The following PBXIP1 variants were observed in gnomAD, a reference collection of about 807,000 sequenced individuals.
PBXIP1 encodes PBX homeobox interacting protein 1, also known as pre-B-cell leukemia transcription factor-interacting protein 1.
A neutral mutation model predicts 73.7 loss-of-function variants in PBXIP1; 73 were observed. The observed-to-expected ratio is 0.99, with a 90% CI of 0.82 to 1.20. The LOEUF is 1.20. Ranked by LOEUF, PBXIP1 falls within the 50% of genes most tolerant of loss-of-function variation. PBXIP1 has a pLI of 0.00. For missense variants in PBXIP1, 818 were observed against 911.4 expected, an observed-to-expected ratio of 0.90 and a Z score of 1.32; for synonymous variants, 330 against 366.9, an observed-to-expected ratio of 0.90 and a Z score of 1.15.
chr1:154,952,667 A>G (rs527483731), intron 2 of PBXIP1, among the ~76,000 whole-genome samples: 3 of 152,318 alleles, frequency 2.0e-5, no homozygotes, highest in Non-Finnish European at 2.9e-5. Context: ...TCCCCCCTAC[A>G]AGGCAAAAAT....
At chr1:154,945,493 T>G in intron 10 of PBXIP1, 79 bp downstream of exon 10, 1 of 1,438,262 alleles carries the variant, frequency 7.0e-7, no homozygotes, top group Non-Finnish European at 9.5e-7. Flanking sequence ...GTAAGGATAC[T>G]CAAACTAATG....
Position 154,946,332 on chromosome 1 carries a change from G to T in PBXIP1, c.1342C>A (p.Gln448Lys). Reference protein sequence around the residue: ...QKLQGLENWGQDPGVSANASK... With the variant: ...QKLQGLENWGKDPGVSANASK... ...GCATTGGCAGAGACCCCAGGGTCCT[G>T]GCCCCAGTTCTCCAGGCCCTGCAGT... The change falls in exon 10 of 11, where the codon CAG (glutamine) becomes AAG (lysine). Residue 448 changes from glutamine (Q) to lysine (K), a missense_variant. By Grantham distance (53) the Gln-to-Lys change is moderately conservative. Transcript: ENST00000368463. 6.2e-7 allele frequency: 1 copy of T among 1,614,092 alleles called. No homozygotes were observed. Among genetic ancestry groups the T allele is most frequent in the Non-Finnish European group, 8.5e-7 (1 of 1,180,018 alleles).
chr1:154,946,758 G>A lies in PBXIP1; in HGVS notation c.916C>T (p.Leu306=). The A allele has an allele frequency of 6.4e-7, 1 of 1,572,700 alleles. No homozygotes were observed. ...CGGAGCTGGGCATTCTCCTCCTCTAGCCCTTTGGGCTGGTGCATCAGGCTC... is the reference window on the plus strand; with the variant it reads ...CGGAGCTGGGCATTCTCCTCCTCTAACCCTTTGGGCTGGTGCATCAGGCTC... ...LQSLMHQPKG[L]EEENAQLRGA... is the part of the protein sequence containing the mutation. Residue 306 remains leucine, a synonymous_variant, in exon 10 of 11, where the codon CTA becomes TTA. Transcript: ENST00000368463.
Position 154,946,432 on chromosome 1 carries a change from C to T in PBXIP1, c.1242G>A (p.Arg414=), listed in dbSNP as rs1654824278. The change falls in exon 10 of 11, where the codon AGG becomes AGA. Residue 414 remains arginine, a synonymous_variant. Transcript: ENST00000368463. The part of the protein sequence containing the change: ...LLGSVQQDLE[R]SLQDASRGDP... ...CCCCGCGGCTGGCATCCTGCAAGCTCCTCTCCAGATCCTGCTGTACAGACC... is the reference window on the plus strand; with the variant it reads ...CCCCGCGGCTGGCATCCTGCAAGCTTCTCTCCAGATCCTGCTGTACAGACC... 1 of 1,609,880 alleles carries T rather than the reference C, an allele frequency of 6.2e-7. No homozygotes were observed. The highest frequency in any genetic ancestry group is 8.5e-7 in the Non-Finnish European group (1 of 1,179,998).
Position 154,945,031 on chromosome 1 carries a change from C to T in PBXIP1, c.2189G>A (p.Arg730Gln), listed in dbSNP as rs369398682. 224 of 1,612,854 alleles carry T rather than the reference C, an allele frequency of 1.4e-4. No individual in the cohort carries two copies. Among genetic ancestry groups the T allele is most frequent in the Non-Finnish European group, 1.8e-4 (211 of 1,179,080 alleles). The change falls in exon 11 of 11, where the codon CGG becomes CAG. Residue 730 changes from arginine to glutamine, a missense_variant. By Grantham distance (43) the Arg-to-Gln change is conservative. Transcript: ENST00000368463. ...TCCCTGTGGGGCAGGGTGTCAGCCC[C>T]GGTGGTGGTGGTGGTGGCTATGGCT... is the stretch of plus-strand genomic sequence containing the variant. Reference protein sequence around the residue: ...GHSHSHHHHHRG With the variant: ...GHSHSHHHHHQG
At chr1:154,948,415 G>GAGACACAGGGAGAGAGGGGAATCAGAGGA in intron 5 of PBXIP1, 49 bp from the exon 6 acceptor site, 1 of 1,297,586 alleles carries the variant, frequency 7.7e-7, no homozygotes, top group Non-Finnish European at 1.1e-6. Context: ...GAGAGATGGG[G>GAGACACAGGGAGAGAGGGGAATCAGAGGA]AGACACAGGG....
chr1:154,951,101 G>T lies in PBXIP1; in HGVS notation c.409+131C>A. 1 of 764,910 alleles carries T rather than the reference G, an allele frequency of 1.3e-6. No homozygotes were observed. Among genetic ancestry groups the T allele is most frequent in the Non-Finnish European group, 2.2e-6 (1 of 464,756 alleles). The allele number at this position is 764,910 out of a possible 1,614,324, so 47.4% of individuals were successfully genotyped here. ...TGGGCCTCAACGTCCCAGGGGTAGT[G>T]GTGAGAAAGGAGAGCACCAAGCTGC... is the stretch of plus-strand genomic sequence containing the variant. On this transcript the variant is annotated intron_variant, in intron 5 of 10. Transcript: ENST00000368463. This position sits in a 1 kb window ranked among gnomAD's most constrained non-coding sequence, Gnocchi z 4.3.
chr1:154,949,306 T>C (rs1398311072), intron 5 of PBXIP1, among the ~76,000 whole-genome samples: 1 of 152,026 alleles, frequency 6.6e-6, no homozygotes, highest in Admixed American at 6.6e-5. Context: ...GCTGAGACTA[T>C]AGGCATGCAT....
rs370109612 is a variant in PBXIP1 at position 154,947,966 on chromosome 1, G to T, written c.667+16C>A. On this transcript the variant is annotated intron_variant, in intron 7 of 10. Coordinates refer to ENST00000368463, the MANE Select transcript of PBXIP1 (RefSeq NM_020524.4). The stretch of plus-strand genomic sequence containing the variant: ...CATACAACTCCCCAGCACAAGACAG[G>T]CTCCTCCCTACTCACCAGTCTCAGA... 5 of 1,613,056 alleles carry T rather than the reference G, an allele frequency of 3.1e-6. No individual in the cohort carries two copies. Among genetic ancestry groups the T allele is most frequent in the Non-Finnish European group, 4.2e-6 (5 of 1,179,146 alleles).
Position 154,944,958 on chromosome 1 carries a change from A to G in PBXIP1, c.*66T>C. The G allele has an allele frequency of 7.6e-7, 1 of 1,308,650 alleles. No individual in the cohort carries two copies. The highest frequency in any genetic ancestry group is 2.3e-5 in the East Asian group (1 of 43,590). 81.1% of individuals were successfully genotyped at this position (1,308,650 alleles called of 1,614,324 possible). A position where few individuals can be genotyped will look rare whatever the true frequency, so the allele number is the denominator to read the frequency against. On this transcript the variant is annotated 3_prime_UTR_variant, in exon 11 of 11. Coordinates refer to ENST00000368463, the MANE Select transcript of PBXIP1 (RefSeq NM_020524.4). Reference sequence around the variant, plus strand: ...CAAGCCAGGACAGAGTCCACCCTCCAGGAGTTAGATAACGCTGGGATCTTG... The same window carrying G: ...CAAGCCAGGACAGAGTCCACCCTCCGGGAGTTAGATAACGCTGGGATCTTG...
intron 1 of PBXIP1, among the ~76,000 whole-genome samples, chr1:154,954,344 A>G (rs1370613621): frequency 6.6e-6 from 1 of 152,134 alleles, no homozygotes; most frequent in African/African-American, 2.4e-5. Flanking sequence ...ATCACCTAAG[A>G]TTTTGATTCA....
At chr1:154,948,566 C>A (rs1654912009) in intron 5 of PBXIP1, among the ~76,000 whole-genome samples, 200 bp from the exon 6 acceptor site, 1 of 152,122 alleles carries the variant, frequency 6.6e-6, no homozygotes, top group South Asian at 2.1e-4. Flanking sequence ...GGCAGGAGAC[C>A]AGTGCTGTCA....
In PBXIP1 at chr1:154,946,558, C is replaced by G. The variant is rs150382643; in HGVS notation, c.1116G>C (p.Arg372Ser). 2.5e-6 allele frequency: 4 copies of G among 1,612,764 alleles called. No homozygotes were observed. In the African/African-American group the frequency reaches 5.3e-5, roughly 22 times the overall value. The change falls in exon 10 of 11, where the codon AGG becomes AGC. Residue 372 changes from arginine to serine, a missense_variant. Arg to Ser is a moderately radical substitution (Grantham distance 110). Coordinates refer to ENST00000368463, the MANE Select transcript of PBXIP1 (RefSeq NM_020524.4). ...GGAAGCTGAGTTCTGGCTCCTGCTC[C>G]CTGGGGCCTTGCTCCCTGATGGCCT... Reference protein sequence around the residue: ...GDKAIREQGPREQEPELSFLK... With the variant: ...GDKAIREQGPSEQEPELSFLK...
At chr1:154,948,083 G>A (rs952713752) in intron 6 of PBXIP1, 50 bp downstream of exon 6, 5 of 1,570,024 alleles carry the variant, frequency 3.2e-6, no homozygotes, top group Non-Finnish European at 4.3e-6. Flanking sequence ...ATGGCAGGAA[G>A]GCAGGCAGGC....
intron 2 of PBXIP1, among the ~76,000 whole-genome samples, chr1:154,952,374 T>C (rs947128594): frequency 6.6e-6 from 1 of 152,070 alleles, no homozygotes; most frequent in Non-Finnish European, 1.5e-5. Context: ...CTCTCAAGCC[T>C]TTCTGGCCTT....
At position 154,947,674 on chromosome 1, in the gene PBXIP1, G is replaced by A; in HGVS notation, c.706C>T (p.Pro236Ser). ...TCCCCCACAGCTTCCAGCACCTCGGGGTCTGGGAGGACCTGCCGCTCCACT... is the reference window on the plus strand; with the variant it reads ...TCCCCCACAGCTTCCAGCACCTCGGAGTCTGGGAGGACCTGCCGCTCCACT... ...EEVERQVLPD[P>S]EVLEAVGDRQ... Residue 236 changes from proline to serine, a missense_variant, in exon 8 of 11, where the codon CCC becomes TCC. Physicochemically the swap from Pro to Ser is moderately conservative, Grantham distance 74. Coordinates refer to ENST00000368463, the MANE Select transcript of PBXIP1 (RefSeq NM_020524.4). 6.2e-7 allele frequency: 1 copy of A among 1,613,878 alleles called. No individual in the cohort carries two copies. Among genetic ancestry groups the A allele is most frequent in the Non-Finnish European group, 8.5e-7 (1 of 1,179,970 alleles).
Position 154,952,063 on chromosome 1 carries a change from C to G in PBXIP1, c.52-142G>C, listed in dbSNP as rs1055357287. 4 of 850,538 alleles carry G rather than the reference C, an allele frequency of 4.7e-6. No individual in the cohort carries two copies. In the African/African-American group the frequency reaches 6.9e-5, roughly 15 times the overall value. The allele number at this position is 850,538 out of a possible 1,614,324, so 52.7% of individuals were successfully genotyped here. ...AAGTGCTCGGCATTCCCCAGCCTCACTCACTGCGAGGAGGAACTTTCAGGG... is the reference window on the plus strand; with the variant it reads ...AAGTGCTCGGCATTCCCCAGCCTCAGTCACTGCGAGGAGGAACTTTCAGGG... On this transcript the variant is annotated intron_variant, in intron 2 of 10. Coordinates refer to ENST00000368463, the MANE Select transcript of PBXIP1 (RefSeq NM_020524.4).
At chr1:154,953,639 AC>A in intron 2 of PBXIP1, 31 bp downstream of exon 2, 1 of 1,432,274 alleles carries the variant, frequency 7.0e-7, no homozygotes, top group Non-Finnish European at 9.8e-7. Flanking sequence ...CCCCAACCCC[AC>A]CCCCATGGTT....
At position 154,947,979 on chromosome 1, in the gene PBXIP1, C is replaced by G. The variant is rs1200554119; in HGVS notation, c.667+3G>C. The G allele has an allele frequency of 6.2e-7, 1 of 1,613,638 alleles. No homozygotes were observed. Among genetic ancestry groups the G allele is most frequent in the Non-Finnish European group, 8.5e-7 (1 of 1,179,612 alleles). ...AGCACAAGACAGGCTCCTCCCTACTCACCAGTCTCAGACTCTGAGAGGCCA... is the reference window on the plus strand; with the variant it reads ...AGCACAAGACAGGCTCCTCCCTACTGACCAGTCTCAGACTCTGAGAGGCCA... On this transcript the variant is annotated splice_donor_region_variant and intron_variant, in intron 7 of 10. Coordinates refer to ENST00000368463, the MANE Select transcript of PBXIP1 (RefSeq NM_020524.4).
Sources: allele counts gnomAD v4.1 joint callset (sites outside exome capture counted in the v4.1 genomes callset), GRCh38; gene constraint gnomAD v4.1.1; non-coding constraint Gnocchi (gnomAD v3.1); transcripts MANE v1.5; gene names NCBI Gene and HGNC (gene_info 2026-07-23, HGNC 2026-07-21).